The following DIS3L2 variants were observed in gnomAD, a reference collection of about 807,000 sequenced individuals.
DIS3L2 encodes the protein DIS3-like exonuclease 2.
A neutral mutation model predicts 97.5 loss-of-function variants in DIS3L2; 34 were observed. The observed-to-expected ratio is 0.35, with a 90% confidence interval of 0.27 to 0.46. DIS3L2 has a LOEUF of 0.46. DIS3L2 is among the 20% of genes least tolerant of loss of function. The probability of loss-of-function intolerance (pLI) is 1.00; values close to 1 mark genes in which losing one functional copy is unlikely to be tolerated. For synonymous variants in DIS3L2, 435 were observed against 445.2 expected, an observed-to-expected ratio of 0.98 and a Z score of 0.29; for missense variants, 1,038 against 1,146.0, an observed-to-expected ratio of 0.91 and a Z score of 1.36.
intron 7 of DIS3L2, among the ~76,000 whole-genome samples, chr2:232,134,125 A>G (rs1559663976): frequency 6.6e-6 from 1 of 152,124 alleles, no homozygotes; most frequent in Non-Finnish European, 1.5e-5. Context: ...TGAGGAGATC[A>G]GTAGAATTAA....
At chr2:232,122,476 G>GAA (rs1173005464) in intron 6 of DIS3L2, among the ~76,000 whole-genome samples, 1 of 152,180 alleles carries the variant, frequency 6.6e-6, no homozygotes. Context: ...CAGCATTTTG[G>GAA]AAGGCCGAGG....
intron 13 of DIS3L2, among the ~76,000 whole-genome samples, chr2:232,294,992 A>G (rs1694689817): frequency 1.3e-5 from 2 of 152,062 alleles, no homozygotes; most frequent in South Asian, 4.1e-4. Flanking sequence ...CTCCTGGTCC[A>G]TATGCTGCCG....
chr2:232,041,285 TG>T (rs1695105572), intron 5 of DIS3L2, among the ~76,000 whole-genome samples: 1 of 152,224 alleles, frequency 6.6e-6, no homozygotes, highest in African/African-American at 2.4e-5. Flanking sequence ...ATGCCATTCC[TG>T]ACTCAATGGC....
chr2:232,304,160 T>A (rs1405919314), intron 14 of DIS3L2, among the ~76,000 whole-genome samples: 2 of 150,780 alleles, frequency 1.3e-5, no homozygotes, highest in Non-Finnish European at 3.0e-5. Context: ...GGGTGGTGAC[T>A]GGTTTTTTTT....
intron 14 of DIS3L2, among the ~76,000 whole-genome samples, chr2:232,320,892 G>A (rs1370064146): frequency 6.6e-6 from 1 of 152,202 alleles, no homozygotes; most frequent in Non-Finnish European, 1.5e-5. Context: ...AGCCTCCAGA[G>A]AAGGACAGTC....
chr2:232,320,862 A>G (rs747825144), intron 14 of DIS3L2, among the ~76,000 whole-genome samples: 5 of 152,090 alleles, frequency 3.3e-5, no homozygotes, highest in African/African-American at 4.8e-5. Context: ...CCAACAGCCT[A>G]TGGTCTGCAG....
chr2:232,012,528 G>T (rs1050985622), intron 1 of DIS3L2, among the ~76,000 whole-genome samples: 9 of 148,094 alleles, frequency 6.1e-5, no homozygotes, highest in African/African-American at 2.2e-4. Flanking sequence ...GTTTGCTCTC[G>T]ACTCCTCGCC....
intron 13 of DIS3L2, among the ~76,000 whole-genome samples, chr2:232,284,386 C>T (rs1013944346): frequency 1.3e-5 from 2 of 152,234 alleles, no homozygotes; most frequent in Non-Finnish European, 2.9e-5. Flanking sequence ...GGCATGGTAA[C>T]TGCACCCACC....
intron 4 of DIS3L2, among the ~76,000 whole-genome samples, 183 bp from the exon 5 acceptor site, chr2:232,029,796 C>G (rs1474120978): frequency 3.9e-5 from 6 of 151,930 alleles, no homozygotes; most frequent in Non-Finnish European, 7.4e-5. Flanking sequence ...TATTTTTATA[C>G]TTTCTTGATA....
chr2:232,249,650 T>A (rs2106265266), intron 12 of DIS3L2, among the ~76,000 whole-genome samples: 1 of 152,260 alleles, frequency 6.6e-6, no homozygotes, highest in South Asian at 2.1e-4. Flanking sequence ...TAAGTGGGAT[T>A]GAATGAGGAT....
At chr2:232,193,566 A>C (rs555610650) in intron 9 of DIS3L2, among the ~76,000 whole-genome samples, 1 of 152,286 alleles carries the variant, frequency 6.6e-6, no homozygotes, top group African/African-American at 2.4e-5. Context: ...GAGGAGTAAA[A>C]ATTTTAAACT....
chr2:232,214,363 C>G (rs750468310), intron 10 of DIS3L2, among the ~76,000 whole-genome samples: 3 of 152,126 alleles, frequency 2.0e-5, no homozygotes, highest in Non-Finnish European at 4.4e-5. Flanking sequence ...TTAGGAAATC[C>G]TTCCCTGTAA....
chr2:232,015,108 T>C, intron 2 of DIS3L2, 129 bp downstream of exon 2: 1 of 849,536 alleles, frequency 1.2e-6, no homozygotes, highest in Non-Finnish European at 1.8e-6. Flanking sequence ...TGTTAAGTAT[T>C]CTGTGTGATT....
At position 232,223,492 on chromosome 2, in the gene DIS3L2, A is replaced by G. The variant is rs1049271834; in HGVS notation, c.1204+13087A>G. Among the ~76,000 whole-genome samples, 94 of 152,190 alleles carry G rather than the reference A, an allele frequency of 6.2e-4. 7 individuals carry two copies. Among genetic ancestry groups the G allele is most frequent in the Non-Finnish European group, 4.4e-5 (3 of 68,024 alleles). On this transcript the variant is annotated intron_variant, in intron 10 of 20. Transcript: ENST00000325385. ...AAAGAGCTAAGCTTCATTTATGCCT[A>G]TTGTTGCGTAAACACAACTTAGCTT...
intron 5 of DIS3L2, among the ~76,000 whole-genome samples, chr2:232,035,509 A>G (rs753882735): frequency 2.0e-5 from 3 of 152,106 alleles, no homozygotes; most frequent in Non-Finnish European, 4.4e-5. Context: ...TTTAAGTTTA[A>G]TATTGTTTTG....
chr2:232,144,458 T>G (rs575996691), intron 8 of DIS3L2, among the ~76,000 whole-genome samples: 3 of 152,258 alleles, frequency 2.0e-5, no homozygotes, highest in Admixed American at 1.3e-4. Flanking sequence ...AGACAGTGTT[T>G]TCATGTTTTT....
At position 232,037,618 on chromosome 2, in the gene DIS3L2, C is replaced by T. The variant is rs958420525; in HGVS notation, c.366+7538C>T. Among the ~76,000 whole-genome samples, 1 of 152,172 alleles carries T rather than the reference C, an allele frequency of 6.6e-6. No homozygotes were observed. Among genetic ancestry groups the T allele is most frequent in the South Asian group, 2.1e-4 (1 of 4,828 alleles). Reference sequence around the variant, plus strand: ...TCCTGCAGCTAGCTCGGTGTCTGCCCAAACGTCTGCCCAGTTTTGTACTTG... The same window carrying T: ...TCCTGCAGCTAGCTCGGTGTCTGCCTAAACGTCTGCCCAGTTTTGTACTTG... On this transcript the variant is annotated intron_variant, in intron 5 of 20. Transcript: ENST00000325385. This position sits in a 1 kb window ranked among gnomAD's most constrained non-coding sequence, Gnocchi z 4.6.
intron 5 of DIS3L2, among the ~76,000 whole-genome samples, chr2:232,077,466 T>C (rs1696227660): frequency 6.6e-6 from 1 of 152,238 alleles, no homozygotes; most frequent in South Asian, 2.1e-4. Context: ...GCATTTTTAG[T>C]GGCTGCAAAT....
At chr2:231,996,971 C>T (rs2106198090) in intron 1 of DIS3L2, among the ~76,000 whole-genome samples, 1 of 152,300 alleles carries the variant, frequency 6.6e-6, no homozygotes. Context: ...GTCCCTTTCC[C>T]CCACCCTGTT....
Sources: gnomAD v4.1 joint callset for allele counts (sites outside exome capture counted in the v4.1 genomes callset) on GRCh38, gnomAD v4.1.1 for gene constraint, Gnocchi (gnomAD v3.1) non-coding constraint, MANE v1.5 for transcripts, NCBI Gene and HGNC (gene_info 2026-07-23, HGNC 2026-07-21) for gene names.